GALNS: variants seen among roughly 807,000 people sequenced by gnomAD.
The protein encoded by GALNS is galactosamine (N-acetyl)-6-sulfatase.
In GALNS, 65 loss-of-function variants were observed where a neutral mutation model predicts 65.9. That is an observed-to-expected ratio of 0.99 (90% CI 0.81 to 1.21). The LOEUF is 1.21. Among genes scored for constraint, GALNS ranks in the 50% most tolerant of loss-of-function variants. The pLI, the probability that GALNS is intolerant of heterozygous loss-of-function variation, is 0.00. For synonymous variants in GALNS, 346 were observed against 288.9 expected (o/e 1.20, Z -2.00); for missense variants, 776 against 700.7 (o/e 1.11, Z -1.21).
chr16:88,849,161 C>T (rs575298676), intron 1 of GALNS, among the ~76,000 whole-genome samples: 79 of 152,346 alleles, frequency 5.2e-4, no homozygotes, highest in African/African-American at 1.7e-3. Flanking sequence ...GACAAACAGG[C>T]TGAAGTACAG....
At chr16:88,824,721 A>C in intron 11 of GALNS, 46 bp downstream of exon 11, 8 of 1,520,820 alleles carry the variant, frequency 5.3e-6, no homozygotes, top group Non-Finnish European at 6.4e-6. Context: ...ACGTCTGGAT[A>C]GAGATGGGGG....
Position 88,841,411 on chromosome 16 carries a change from C to T in GALNS, c.320-317G>A, listed in dbSNP as rs571341049. ...CAGGCCAGCCTCCCACCTGCCTGGT[C>T]TCCAGGGGTCTCTGGAATATGCCAC... On this transcript the variant is annotated intron_variant, in intron 3 of 13. Transcript: ENST00000268695. 2.6e-5 allele frequency among the ~76,000 whole-genome samples: 4 copies of T among 152,284 alleles called. No individual in the cohort carries two copies. In the South Asian group the frequency reaches 8.3e-4, roughly 32 times the overall value.
chr16:88,835,862 C>G lies in GALNS; in HGVS notation c.634-13G>C. 1 of 1,613,756 alleles carries G rather than the reference C, an allele frequency of 6.2e-7. No homozygotes were observed. The highest frequency in any genetic ancestry group is 1.1e-5 in the South Asian group (1 of 91,064). On this transcript the variant is annotated splice_polypyrimidine_tract_variant and intron_variant, in intron 6 of 13. Coordinates refer to ENST00000268695, the MANE Select transcript of GALNS (RefSeq NM_000512.5). ...AGTCCAGGGCTTCCTATGGAGAGAG[C>G]CACACCGTCGTCCTCCAGCCTCAGG...
chr16:88,814,580 C>A (rs1328110241), intron 13 of GALNS, 55 bp from the exon 14 acceptor site: 3 of 1,548,210 alleles, frequency 1.9e-6, no homozygotes, highest in Non-Finnish European at 2.6e-6. Flanking sequence ...TCTTCTGGAC[C>A]CAGCAGCAGC....
At chr16:88,835,568 C>T (rs1912034502) in intron 7 of GALNS, among the ~76,000 whole-genome samples, 157 bp downstream of exon 7, 1 of 152,242 alleles carries the variant, frequency 6.6e-6, no homozygotes, top group African/African-American at 2.4e-5. Context: ...CAGCCCTCCT[C>T]TGCTGATCCC....
intron 5 of GALNS, among the ~76,000 whole-genome samples, chr16:88,837,070 A>G (rs1476300809): frequency 1.3e-5 from 2 of 152,236 alleles, no homozygotes; most frequent in African/African-American, 2.4e-5. Context: ...CATGTAATGA[A>G]TGAGCACTTC....
chr16:88,844,014 A>C (rs1010449659), intron 1 of GALNS: 2 of 152,210 alleles, frequency 1.3e-5, no homozygotes, highest in African/African-American at 4.8e-5. Flanking sequence ...GGGCCTGCTG[A>C]TGAGTACCGG....
chr16:88,820,670 T>C (rs1910114405), intron 12 of GALNS, among the ~76,000 whole-genome samples: 1 of 152,122 alleles, frequency 6.6e-6, no homozygotes, highest in African/African-American at 2.4e-5. Flanking sequence ...GTGGCTGTGG[T>C]GGGTGGGACT....
rs1274325596 is a variant in GALNS at position 88,856,836 on chromosome 16, C to T, written c.42G>A (p.Leu14=). 2 of 1,520,476 alleles carry T rather than the reference C, an allele frequency of 1.3e-6. No individual in the cohort carries two copies. Among genetic ancestry groups the T allele is most frequent in the South Asian group, 2.4e-5 (2 of 82,236 alleles). 94.2% of individuals were successfully genotyped at this position (1,520,476 alleles called of 1,614,324 possible). A position where few individuals can be genotyped will look rare whatever the true frequency, so the allele number is the denominator to read the frequency against. Residue 14 remains leucine (L), a synonymous_variant, in exon 1 of 14, where the codon TTG becomes TTA. Coordinates refer to ENST00000268695, the MANE Select transcript of GALNS (RefSeq NM_000512.5). ...CCATCCCCGCGGCGCTGAGCACCAG[C>T]AACAGCTGCCACCACCTCGTCGCCG... ...VVAATRWWQL[L]LVLSAAGMGA... is the part of the protein sequence containing the mutation.
At chr16:88,835,422 C>T in intron 7 of GALNS, 70 bp from the exon 8 acceptor site, 1 of 1,583,216 alleles carries the variant, frequency 6.3e-7, no homozygotes, top group Non-Finnish European at 8.7e-7. Context: ...CAGCCAACGG[C>T]ATACTGTGAT....
chr16:88,827,396 G>A (rs898319829), intron 9 of GALNS, among the ~76,000 whole-genome samples: 1 of 152,204 alleles, frequency 6.6e-6, no homozygotes, highest in African/African-American at 2.4e-5. Flanking sequence ...GACCAGCCAT[G>A]AGCAGAGCGT....
In GALNS at chr16:88,842,696, G is replaced by A. The variant is rs374454884; in HGVS notation, c.244+10C>T. On this transcript the variant is annotated intron_variant, in intron 2 of 13. Coordinates refer to ENST00000268695, the MANE Select transcript of GALNS (RefSeq NM_000512.5). ...ACCCCTTCCTGGGGGCGAGGGCCCC[G>A]CTGACTTACATGGCGAGCACAGAGG... The A allele has an allele frequency of 3.7e-5, 59 of 1,611,992 alleles. No homozygotes were observed. Among genetic ancestry groups the A allele is most frequent in the Middle Eastern group, 1.7e-4 (1 of 6,060 alleles).
At chr16:88,855,909 C>G (rs1049679028) in intron 1 of GALNS, 1 of 537,354 alleles carries the variant, frequency 1.9e-6, no homozygotes, top group African/African-American at 1.9e-5. Context: ...CGGTGTCGTC[C>G]CAGTCCTCAC....
At chr16:88,815,418 G>C in intron 13 of GALNS, 1 of 985,486 alleles carries the variant, frequency 1.0e-6, no homozygotes, top group Non-Finnish European at 1.2e-6. Flanking sequence ...CTGCGCTGCT[G>C]GGCTCAGTTC....
chr16:88,851,712 G>A lies in GALNS; in HGVS notation c.120+5046C>T, dbSNP rs116889509. 3.7e-4 allele frequency among the ~76,000 whole-genome samples: 57 copies of A among 152,264 alleles called. No homozygotes were observed. The East Asian group carries it at 8.8e-3, about 23-fold the overall frequency. ...ACGACACACCAGGAGATTATATCCC[G>A]GGCCTGGCTCGGAGGGTCTCATGCC... On this transcript the variant is annotated intron_variant, in intron 1 of 13. Transcript: ENST00000268695.
chr16:88,834,871 G>A (rs1461768269), intron 8 of GALNS, among the ~76,000 whole-genome samples: 1 of 152,152 alleles, frequency 6.6e-6, no homozygotes, highest in East Asian at 1.9e-4. Context: ...CCCCACCTCA[G>A]CAGGGACACC....
chr16:88,855,027 G>A (rs1432883387), intron 1 of GALNS: 3 of 350,522 alleles, frequency 8.6e-6, no homozygotes, highest in African/African-American at 4.3e-5. Flanking sequence ...CCTCCACCCT[G>A]CACGGCCTGA....
intron 10 of GALNS, 42 bp downstream of exon 10, chr16:88,826,660 A>G (rs1416161925): frequency 6.2e-7 from 1 of 1,600,372 alleles, no homozygotes. Flanking sequence ...GGGCTTCACT[A>G]CTTGGATCGG....
intron 12 of GALNS, 72 bp from the exon 13 acceptor site, chr16:88,818,196 G>A: frequency 8.2e-7 from 1 of 1,219,096 alleles, no homozygotes; most frequent in Non-Finnish European, 1.2e-6. Flanking sequence ...GCCTGGACAG[G>A]CTGAGGCTGC....
Sources: gnomAD v4.1 joint callset for allele counts (sites outside exome capture counted in the v4.1 genomes callset) on GRCh38, gnomAD v4.1.1 for gene constraint, MANE v1.5 for transcripts, NCBI Gene and HGNC (gene_info 2026-07-23, HGNC 2026-07-21) for gene names.